The following CLIC2 variants were observed in gnomAD, a reference collection of about 807,000 sequenced individuals.
CLIC2 encodes CLIC family member 2, also known as chloride intracellular channel protein 2.
CLIC2 carries 9 observed loss-of-function variants against 14.8 expected under a neutral mutation model. The observed-to-expected ratio is 0.61, with a 90% CI of 0.37 to 1.06. The LOEUF (loss-of-function observed/expected upper bound fraction) is 1.06, where lower values mean the gene tolerates loss of function less well. Ranked by LOEUF, CLIC2 falls within the 50% of genes least tolerant of loss-of-function variation. The pLI, the probability that CLIC2 is intolerant of heterozygous loss-of-function variation, is 0.01. For synonymous variants in CLIC2, 61 were observed against 66.3 expected (o/e 0.92, Z 0.39); for missense variants, 148 against 181.4 (o/e 0.82, Z 1.06).
At chrX:155,290,600 T>G (rs12862324) in intron 3 of CLIC2, 1 of 683,725 alleles carries the variant, frequency 1.5e-6, no homozygotes, top group African/African-American at 2.1e-5. Context: ...TGCATGTGTA[T>G]CTGGGCATTG....
chrX:155,292,399 A>T, intron 3 of CLIC2: 1 of 562,206 alleles, frequency 1.8e-6, no homozygotes, highest in Admixed American at 2.3e-5. Flanking sequence ...ATTCTACAAG[A>T]AAAAGAACGT....
At chrX:155,318,234 G>A (rs1475502157) in intron 1 of CLIC2, among the ~76,000 whole-genome samples, 2 of 111,275 alleles carry the variant, frequency 1.8e-5, no homozygotes, top group Non-Finnish European at 3.8e-5. Flanking sequence ...AAAAATCAAG[G>A]GCATCCAAAT....
intron 4 of CLIC2, 30 bp downstream of exon 4, chrX:155,279,932 A>C (rs1274226060): frequency 1.0e-6 from 1 of 1,004,416 alleles, no homozygotes; most frequent in Non-Finnish European, 1.4e-6. Context: ...GAGTGAGAGA[A>C]AAATAGAGAT....
At chrX:155,310,500 GC>G in intron 1 of CLIC2, 1 of 232,177 alleles carries the variant, frequency 4.3e-6, no homozygotes. Flanking sequence ...GGGCAGCTCT[GC>G]CCCTGTGGCT....
chrX:155,276,386 C>A lies in CLIC2; in HGVS notation c.*1517G>T, dbSNP rs781965778. The A allele has an allele frequency of 8.9e-6, 1 of 111,819 alleles. No individual in the cohort carries two copies. The highest frequency in any genetic ancestry group is 3.2e-5 in the African/African-American group (1 of 30,806). 9.2% of individuals were successfully genotyped at this position (111,819 alleles called of 1,213,427 possible). On this transcript the variant is annotated 3_prime_UTR_variant, in exon 6 of 6. Coordinates refer to ENST00000369449, the MANE Select transcript of CLIC2 (RefSeq NM_001289.6). ...ATTTCTTTGTGGTGACATTTAAAAA[C>A]CTGCTTTTCTAGCTATCTTGAAATA...
intron 1 of CLIC2, among the ~76,000 whole-genome samples, chrX:155,329,428 T>C (rs1267926627): frequency 4.8e-5 from 5 of 104,894 alleles, no homozygotes; most frequent in African/African-American, 1.0e-4. Flanking sequence ...AGTTATTAGG[T>C]TGGTGCAAAA....
intron 1 of CLIC2, among the ~76,000 whole-genome samples, chrX:155,331,311 GT>G (rs1301752568): frequency 1.8e-5 from 2 of 108,609 alleles, no homozygotes; most frequent in East Asian, 2.9e-4. Context: ...AAACTGAAGG[GT>G]TTTTTTTTCT....
chrX:155,304,865 G>A lies in CLIC2; in HGVS notation c.58-5720C>T, dbSNP rs781805914. On this transcript the variant is annotated intron_variant, in intron 1 of 5. Transcript: ENST00000369449. ...TGTGAGGTGTCAGTGTGCCCCTGCT[G>A]GGGGGTGCCTCCCAGTTAGGCTGCT... 3.5e-4 allele frequency among the ~76,000 whole-genome samples: 33 copies of A among 93,259 alleles called. 2 individuals are homozygous for A. Among genetic ancestry groups the A allele is most frequent in the African/African-American group, 1.1e-3 (31 of 27,309 alleles). 81.0% of individuals were successfully genotyped at this position (93,259 alleles called of 115,157 possible).
intron 3 of CLIC2, among the ~76,000 whole-genome samples, chrX:155,286,213 T>C (rs2074942400): frequency 8.9e-6 from 1 of 112,288 alleles, no homozygotes; most frequent in Non-Finnish European, 1.9e-5. Context: ...CTCCCGCTTA[T>C]ATATGCGAAC....
intron 3 of CLIC2, chrX:155,292,813 C>T (rs782020413): frequency 1.1e-5 from 7 of 632,018 alleles, no homozygotes; most frequent in Non-Finnish European, 1.7e-5. Context: ...AAAAAAGCTG[C>T]CAAAAAAAGC....
intron 1 of CLIC2, among the ~76,000 whole-genome samples, chrX:155,300,711 G>A (rs1557318952): frequency 9.9e-6 from 1 of 100,542 alleles, no homozygotes; most frequent in African/African-American, 3.5e-5. Context: ...ATGGTTTTAG[G>A]TCTAACGTTT....
At chrX:155,289,752 C>A (rs371430062) in intron 3 of CLIC2, among the ~76,000 whole-genome samples, 4 of 111,370 alleles carry the variant, frequency 3.6e-5, no homozygotes, top group East Asian at 2.8e-4. Context: ...TATCTGGTAC[C>A]CTTAAAGTTT....
chrX:155,318,080 C>T (rs782013828), intron 1 of CLIC2, among the ~76,000 whole-genome samples: 8 of 111,715 alleles, frequency 7.2e-5, no homozygotes, highest in African/African-American at 1.9e-4. Flanking sequence ...CCATCTATGA[C>T]GAACCCATAG....
At chrX:155,322,123 C>T (rs934778286) in intron 1 of CLIC2, among the ~76,000 whole-genome samples, 1 of 111,010 alleles carries the variant, frequency 9.0e-6, no homozygotes, top group African/African-American at 3.3e-5. Context: ...GAGACTTTAA[C>T]ACCCCACTGT....
At chrX:155,278,952 A>C in intron 5 of CLIC2, 197 bp downstream of exon 5, 2 of 432,225 alleles carry the variant, frequency 4.6e-6, no homozygotes, top group Non-Finnish European at 8.0e-6. Flanking sequence ...AAAAAAAAGA[A>C]ACAAGTTTTA....
In CLIC2 at chrX:155,329,800, A is replaced by G. The variant is rs950728072; in HGVS notation, c.57+4571T>C. On this transcript the variant is annotated intron_variant, in intron 1 of 5. Coordinates refer to ENST00000369449, the MANE Select transcript of CLIC2 (RefSeq NM_001289.6). ...TGGAAGCAACCTAAATATCCCATCAACAGATGAATGGATACAGAAAATGTG... is the reference window on the plus strand; with the variant it reads ...TGGAAGCAACCTAAATATCCCATCAGCAGATGAATGGATACAGAAAATGTG... Among the ~76,000 whole-genome samples, 7 of 111,040 alleles carry G rather than the reference A, an allele frequency of 6.3e-5. No individual in the cohort carries two copies. The Admixed American group carries it at 6.7e-4, about 11-fold the overall frequency.
intron 1 of CLIC2, among the ~76,000 whole-genome samples, chrX:155,322,577 A>G (rs878925489): frequency 4.5e-5 from 5 of 112,096 alleles, no homozygotes; most frequent in Non-Finnish European, 9.4e-5. Flanking sequence ...AATTTATAGC[A>G]CTAAAATCCC....
At chrX:155,312,056 T>G (rs1441553525) in intron 1 of CLIC2, among the ~76,000 whole-genome samples, 1 of 111,847 alleles carries the variant, frequency 8.9e-6, no homozygotes, top group Admixed American at 9.4e-5. Context: ...AAATTGTCAA[T>G]AAAATACTAG....
At chrX:155,301,755 CA>C (rs1457508782) in intron 1 of CLIC2, among the ~76,000 whole-genome samples, 3 of 60,698 alleles carry the variant, frequency 4.9e-5, no homozygotes, top group Non-Finnish European at 9.7e-5. Context: ...TACGTCCCAT[CA>C]ATACCTAATT....
Sources: gnomAD v4.1 joint callset for allele counts (sites outside exome capture counted in the v4.1 genomes callset) on GRCh38, gnomAD v4.1.1 for gene constraint, MANE v1.5 for transcripts, NCBI Gene and HGNC (gene_info 2026-07-23, HGNC 2026-07-21) for gene names.